Variants in SUMF2 observed in about 807,000 individuals in gnomAD.
SUMF2 encodes sulfatase modifying factor 2.
SUMF2 carries 45 observed loss-of-function variants against 44.8 expected under a neutral mutation model. The ratio of observed to expected loss-of-function variants is 1.00; its 90% CI spans 0.79 to 1.29. The LOEUF (loss-of-function observed/expected upper bound fraction) is 1.29. Among genes scored for constraint, SUMF2 ranks in the 50% most tolerant of loss-of-function variants. SUMF2 has a pLI of 0.00. For synonymous variants in SUMF2, 148 were observed against 150.4 expected (o/e 0.98, Z 0.12); for missense variants, 418 against 389.9 (o/e 1.07, Z -0.61).
downstream of SUMF2, chr7:56,083,717 T>C (rs1291119806): frequency 1.9e-6 from 3 of 1,571,226 alleles, no homozygotes; most frequent in Middle Eastern, 1.7e-4. Flanking sequence ...CTCTTCATCC[T>C]GTGGAAACAG....
intron 5 of SUMF2, 174 bp downstream of exon 5, chr7:56,074,910 C>A: frequency 1.4e-6 from 1 of 708,308 alleles, no homozygotes; most frequent in Non-Finnish European, 2.2e-6. Context: ...CTAGCCTGGG[C>A]AATATAGGGA....
In SUMF2 at chr7:56,079,879, T is replaced by C; in HGVS notation, c.*267T>C. On this transcript the variant is annotated 3_prime_UTR_variant, in exon 9 of 9. Transcript: ENST00000434526. ...GAGGCCAAGTATTATTGACACAGGA[T>C]TGCAAACACACAAACAATTGGAACA... The C allele has an allele frequency of 6.5e-7, 1 of 1,535,650 alleles. No individual in the cohort carries two copies.
At chr7:56,074,863 T>A (rs1795437531) in intron 5 of SUMF2, 127 bp downstream of exon 5, 1 of 1,232,092 alleles carries the variant, frequency 8.1e-7, no homozygotes, top group African/African-American at 1.5e-5. Context: ...TTTGGGAGGC[T>A]GGGGCAGGAG....
intron 1 of SUMF2, among the ~76,000 whole-genome samples, chr7:56,067,080 C>A (rs939242653): frequency 2.0e-5 from 3 of 152,112 alleles, no homozygotes; most frequent in Non-Finnish European, 4.4e-5. Flanking sequence ...GTGAGAATCA[C>A]TAAGAACTGA....
chr7:56,083,796 A>T, downstream of SUMF2: 1 of 947,712 alleles, frequency 1.1e-6, no homozygotes, highest in Non-Finnish European at 1.7e-6. Context: ...GCTGCCTTCC[A>T]CCCTGATACC....
chr7:56,079,404 T>C (rs1382513827), intron 8 of SUMF2, 124 bp from the exon 9 acceptor site: 1 of 971,408 alleles, frequency 1.0e-6, no homozygotes, highest in African/African-American at 1.6e-5. Flanking sequence ...TTCCAGACCA[T>C]GCTCTCCCCA....
intron 2 of SUMF2, 94 bp downstream of exon 2, chr7:56,068,732 C>T (rs1794977682): frequency 1.4e-6 from 2 of 1,402,368 alleles, no homozygotes; most frequent in African/African-American, 1.5e-5. Flanking sequence ...GAGACTGACT[C>T]CCTCTGTCAC....
chr7:56,081,052 C>T (rs752906709), downstream of SUMF2: 31 of 1,612,048 alleles, frequency 1.9e-5, no homozygotes, highest in Non-Finnish European at 2.5e-5. This position sits in a 1 kb window ranked among gnomAD's most constrained non-coding sequence, Gnocchi z 4.6. Flanking sequence ...CTGGCCAGCC[C>T]CTCAGTAGTC....
chr7:56,068,382 T>C (rs1794948432), intron 1 of SUMF2, 100 bp from the exon 2 acceptor site: 1 of 1,198,614 alleles, frequency 8.3e-7, no homozygotes, highest in East Asian at 2.7e-5. Flanking sequence ...TTTTTTGTTG[T>C]GTTTTGTTAT....
the SUMF2 span, among the ~76,000 whole-genome samples, chr7:56,087,306 C>CA: frequency 6.6e-6 from 1 of 151,766 alleles, no homozygotes; most frequent in Non-Finnish European, 1.5e-5. Context: ...ACTGCAGCCT[C>CA]AAACTACTGG....
intron 2 of SUMF2, among the ~76,000 whole-genome samples, chr7:56,072,207 C>T (rs1173981143): frequency 6.6e-6 from 1 of 151,954 alleles, no homozygotes; most frequent in African/African-American, 2.4e-5. Flanking sequence ...GGGTGGATCA[C>T]CTGAAGTTAG....
At chr7:56,080,680 G>A (rs1330606853), downstream of SUMF2, 1 of 262,624 alleles carries the variant, frequency 3.8e-6, no homozygotes, top group Non-Finnish European at 7.4e-6. Flanking sequence ...AGACATTTGT[G>A]TCTTTGATCC....
chr7:56,074,125 C>T (rs1464939936), intron 3 of SUMF2, 49 bp from the exon 4 acceptor site: 9 of 1,587,844 alleles, frequency 5.7e-6, no homozygotes, highest in Non-Finnish European at 7.8e-6. Flanking sequence ...CGGGGAGGTG[C>T]CTTTGCTGGG....
chr7:56,074,450 C>G (rs1158735179), intron 4 of SUMF2, 136 bp from the exon 5 acceptor site: 2 of 1,222,428 alleles, frequency 1.6e-6, no homozygotes, highest in East Asian at 2.4e-5. Flanking sequence ...ACTCCGACCA[C>G]TGGTCACTCA....
chr7:56,083,181 C>A, downstream of SUMF2: 8 of 1,036,236 alleles, frequency 7.7e-6, no homozygotes, highest in South Asian at 1.0e-4. Context: ...TTCCAGGGAA[C>A]AATTAAGTTA....
At chr7:56,078,630 G>T in intron 8 of SUMF2, 122 bp downstream of exon 8, 1 of 1,205,522 alleles carries the variant, frequency 8.3e-7, no homozygotes, top group South Asian at 2.0e-5. Context: ...GCTGGTCCCA[G>T]CACCTCCCTG....
intron 3 of SUMF2, 23 bp from the exon 4 acceptor site, chr7:56,074,150 AG>A: frequency 6.2e-7 from 1 of 1,612,918 alleles, no homozygotes; most frequent in South Asian, 1.1e-5. Context: ...AGCATCTTGC[AG>A]TCGGTCTCCT....
chr7:56,073,560 C>T lies in SUMF2; in HGVS notation c.339+449C>T, dbSNP rs147848598. 7.6e-3 allele frequency: 1,638 copies of T among 215,096 alleles called. 23 individuals are homozygous for T. The highest frequency in any genetic ancestry group is 0.034 in the African/African-American group (1,493 of 44,520). 13.3% of individuals were successfully genotyped at this position (215,096 alleles called of 1,614,324 possible). On this transcript the variant is annotated intron_variant, in intron 3 of 8. Transcript: ENST00000434526. ...TCAGGAGGCTGAGGCATGAGAATCG[C>T]TTGAACCTGGAAGGCAGAGGTTGCA...
chr7:56,082,283 C>A, downstream of SUMF2: 1 of 1,554,816 alleles, frequency 6.4e-7, no homozygotes, highest in South Asian at 1.1e-5. Flanking sequence ...CAGGGCAGGT[C>A]AGCAGGGCAC....
Sources: allele counts gnomAD v4.1 joint callset (sites outside exome capture counted in the v4.1 genomes callset), GRCh38; gene constraint gnomAD v4.1.1; non-coding constraint Gnocchi (gnomAD v3.1); transcripts MANE v1.5; gene names NCBI Gene and HGNC (gene_info 2026-07-23, HGNC 2026-07-21).